The following VPS4B variants were observed in gnomAD, a reference collection of about 807,000 sequenced individuals.
VPS4B encodes vacuolar protein sorting-associated protein 4B.
A neutral mutation model predicts 56.1 loss-of-function variants in VPS4B; 23 were observed. That is an observed-to-expected ratio of 0.41 (90% CI 0.30 to 0.58). The LOEUF is 0.58. Among genes scored for constraint, VPS4B ranks in the 20% least tolerant of loss-of-function variants. The probability of loss-of-function intolerance (pLI) is 0.29; values close to 1 mark genes in which losing one functional copy is unlikely to be tolerated. For synonymous variants in VPS4B, 177 were observed against 186.0 expected, an observed-to-expected ratio of 0.95 and a Z score of 0.39; for missense variants, 372 against 531.9, an observed-to-expected ratio of 0.70 and a Z score of 2.96.
chr18:63,412,599 C>G (rs1916068566), intron 1 of VPS4B, among the ~76,000 whole-genome samples: 1 of 152,052 alleles, frequency 6.6e-6, no homozygotes, highest in Non-Finnish European at 1.5e-5. Context: ...AAGCATACAC[C>G]TAAAAGAATT....
intron 9 of VPS4B, among the ~76,000 whole-genome samples, chr18:63,395,707 C>T (rs925948071): frequency 2.0e-5 from 3 of 152,226 alleles, no homozygotes; most frequent in African/African-American, 7.2e-5. Context: ...TTGTTCACAG[C>T]AAAAGGGTTG....
In VPS4B at chr18:63,400,567, C is replaced by T. The variant is rs745475668; in HGVS notation, c.621G>A (p.Lys207=). The change falls in exon 6 of 11, where the codon AAG becomes AAA. Residue 207 remains lysine, a synonymous_variant. Transcript: ENST00000238497. ...FSISSSDLVS[K]WLGESEKLVK... ...CTTACTTTTCACTTTCACCTAGCCA[C>T]TTAGAAACAAGATCAGAGGAAGATA... 32 of 1,607,070 alleles carry T rather than the reference C, an allele frequency of 2.0e-5. 3 individuals are homozygous for T. Among genetic ancestry groups the T allele is most frequent in the East Asian group, 1.1e-4 (5 of 44,796 alleles).
Sources: allele counts gnomAD v4.1 joint callset (sites outside exome capture counted in the v4.1 genomes callset), GRCh38; gene constraint gnomAD v4.1.1; transcripts MANE v1.5; gene names NCBI Gene and HGNC (gene_info 2026-07-23, HGNC 2026-07-21).